YWHAE: variants seen among roughly 807,000 people sequenced by gnomAD.
The protein encoded by YWHAE is tyrosine 3-monooxygenase/tryptophan 5-monooxygenase activation protein epsilon.
Under a neutral mutation model 30.1 loss-of-function variants are expected in YWHAE, and 4 were observed. The observed-to-expected ratio is 0.13, with a 90% CI of 0.07 to 0.30. The LOEUF (loss-of-function observed/expected upper bound fraction) is 0.30, where lower values mean the gene tolerates loss of function less well. YWHAE is among the 10% of genes least tolerant of loss of function. The pLI is 1.00. For missense variants in YWHAE, 121 were observed against 315.9 expected, an observed-to-expected ratio of 0.38 and a Z score of 4.68; for synonymous variants, 118 against 111.8, an observed-to-expected ratio of 1.06 and a Z score of -0.35.
chr17:1,380,109 G>A (rs1375342848), intron 1 of YWHAE, among the ~76,000 whole-genome samples: 1 of 127,632 alleles, frequency 7.8e-6, no homozygotes, highest in Non-Finnish European at 1.6e-5. Context: ...TAGAAGACTA[G>A]ACTTTTTTTT....
chr17:1,378,927 C>T lies in YWHAE; in HGVS notation c.65-13869G>A, dbSNP rs144376895. On this transcript the variant is annotated intron_variant, in intron 1 of 5. Transcript: ENST00000264335. Reference sequence around the variant, plus strand: ...GTCATGCCATTGCATTCCAGCCTGGCGACAAGAGCAAAACTCTGTCTCAAA... The same window carrying T: ...GTCATGCCATTGCATTCCAGCCTGGTGACAAGAGCAAAACTCTGTCTCAAA... 7.7e-4 allele frequency among the ~76,000 whole-genome samples: 113 copies of T among 146,786 alleles called. 2 individuals are homozygous for T. The East Asian group carries it at 0.02, about 26-fold the overall frequency.
intron 2 of YWHAE, among the ~76,000 whole-genome samples, chr17:1,363,279 G>T (rs2072891251): frequency 6.6e-6 from 1 of 151,836 alleles, no homozygotes; most frequent in Non-Finnish European, 1.5e-5. Context: ...TTCTTTCTTT[G>T]ATTCAGAGTT....
chr17:1,377,241 T>C (rs1418864634), intron 1 of YWHAE, among the ~76,000 whole-genome samples: 1 of 152,114 alleles, frequency 6.6e-6, no homozygotes, highest in African/African-American at 2.4e-5. Context: ...GGCAGAAAAA[T>C]GAAGCTAAGA....
intron 5 of YWHAE, among the ~76,000 whole-genome samples, chr17:1,346,852 G>C (rs759856182): frequency 6.6e-6 from 1 of 151,368 alleles, no homozygotes; most frequent in Non-Finnish European, 1.5e-5. Flanking sequence ...TTAGCCTGGC[G>C]TGGTGGCACA....
intron 5 of YWHAE, among the ~76,000 whole-genome samples, chr17:1,353,692 A>C (rs1445509646): frequency 1.3e-5 from 2 of 151,326 alleles, no homozygotes; most frequent in African/African-American, 4.9e-5. Flanking sequence ...TGAACCCGGG[A>C]GGCAGAGTTT....
chr17:1,382,589 T>C (rs956293090), intron 1 of YWHAE, among the ~76,000 whole-genome samples: 7 of 151,446 alleles, frequency 4.6e-5, no homozygotes, highest in African/African-American at 1.7e-4. Context: ...CTCAATCTCC[T>C]GACCCTGTGA....
At chr17:1,364,469 G>A (rs1022077043) in intron 2 of YWHAE, among the ~76,000 whole-genome samples, 5 of 152,042 alleles carry the variant, frequency 3.3e-5, no homozygotes, top group South Asian at 2.1e-4. Flanking sequence ...CTCGTGATCC[G>A]CCCACCTCAG....
At chr17:1,374,113 C>T (rs1471009284) in intron 1 of YWHAE, among the ~76,000 whole-genome samples, 1 of 152,072 alleles carries the variant, frequency 6.6e-6, no homozygotes, top group Non-Finnish European at 1.5e-5. Context: ...GGAGTTCAGA[C>T]CAGCCTGGCC....
intron 5 of YWHAE, 83 bp downstream of exon 5, chr17:1,354,128 C>G: frequency 6.6e-7 from 1 of 1,509,144 alleles, no homozygotes; most frequent in South Asian, 1.3e-5. Context: ...CTTGATATAA[C>G]GACAAGCCAA....
intron 4 of YWHAE, among the ~76,000 whole-genome samples, chr17:1,357,088 G>A (rs983978842): frequency 6.7e-5 from 9 of 133,834 alleles, no homozygotes; most frequent in Non-Finnish European, 1.3e-4. Flanking sequence ...GCTAACACAG[G>A]GAAACCCCAT....
intron 1 of YWHAE, among the ~76,000 whole-genome samples, chr17:1,394,267 T>G (rs2150879393): frequency 6.6e-6 from 1 of 152,092 alleles, no homozygotes; most frequent in African/African-American, 2.4e-5. Flanking sequence ...AATTAAAAAC[T>G]TTTGTCAACG....
intron 1 of YWHAE, among the ~76,000 whole-genome samples, chr17:1,394,170 T>C (rs1014559587): frequency 1.3e-5 from 2 of 152,160 alleles, no homozygotes; most frequent in African/African-American, 2.4e-5. Context: ...ATTAGCCACA[T>C]GATCATAAAA....
At chr17:1,388,281 C>T (rs1385994602) in intron 1 of YWHAE, among the ~76,000 whole-genome samples, 1 of 150,622 alleles carries the variant, frequency 6.6e-6, no homozygotes, top group African/African-American at 2.4e-5. Context: ...CTTTGGGAGG[C>T]TGAGTTGGGC....
At chr17:1,390,909 A>G (rs2073380250) in intron 1 of YWHAE, among the ~76,000 whole-genome samples, 1 of 152,198 alleles carries the variant, frequency 6.6e-6, no homozygotes, top group Non-Finnish European at 1.5e-5. Context: ...TATGGTCTGA[A>G]CTACACAGTT....
chr17:1,356,169 AAAACACACACACACACAC>A (rs1463226554), intron 4 of YWHAE, among the ~76,000 whole-genome samples: 48 of 94,620 alleles, frequency 5.1e-4, no homozygotes, highest in African/African-American at 1.6e-3. Flanking sequence ...ACTCCGTCTA[AAAACACACACACACACAC>A]ACACACACAC....
chr17:1,350,764 TAATA>T (rs1383884671), intron 5 of YWHAE, among the ~76,000 whole-genome samples: 6 of 146,128 alleles, frequency 4.1e-5, no homozygotes, highest in African/African-American at 1.3e-4. Flanking sequence ...AAAATAATAA[TAATA>T]AAAAAAAATG....
At chr17:1,382,471 T>C (rs11078256) in intron 1 of YWHAE, among the ~76,000 whole-genome samples, 95,008 of 149,662 alleles carry the variant, frequency 0.63, 31,946 homozygotes, top group African/African-American at 0.87. Flanking sequence ...ATTCTCCTGC[T>C]TCAGCCTCCC....
At chr17:1,357,034 C>G (rs1395147551) in intron 4 of YWHAE, among the ~76,000 whole-genome samples, 1 of 151,470 alleles carries the variant, frequency 6.6e-6, no homozygotes, top group East Asian at 1.9e-4. Context: ...CTTTGGGAGG[C>G]CGAGGAGGGC....
chr17:1,396,554 C>G (rs1024636529), intron 1 of YWHAE, among the ~76,000 whole-genome samples: 1 of 152,186 alleles, frequency 6.6e-6, no homozygotes, highest in Non-Finnish European at 1.5e-5. Context: ...TAGGAAAGGA[C>G]AAAACCAACA....
Sources: allele counts gnomAD v4.1 joint callset (sites outside exome capture counted in the v4.1 genomes callset), GRCh38; gene constraint gnomAD v4.1.1; transcripts MANE v1.5; gene names NCBI Gene and HGNC (gene_info 2026-07-23, HGNC 2026-07-21).